RNF6: variants seen among roughly 807,000 people sequenced by gnomAD.
RNF6 encodes ring finger protein 6.
Under a neutral mutation model 50.1 loss-of-function variants are expected in RNF6, and 21 were observed. That is an observed-to-expected ratio of 0.42 (90% CI 0.30 to 0.60). The LOEUF is 0.60. RNF6 is among the 20% of genes least tolerant of loss of function. RNF6 has a pLI of 0.20. For missense variants in RNF6, 698 were observed against 838.2 expected (o/e 0.83, Z 2.07); for synonymous variants, 255 against 291.8 (o/e 0.87, Z 1.29).
intron 5 of RNF6, among the ~76,000 whole-genome samples, chr13:26,173,598 T>C (rs1182578216): frequency 6.6e-6 from 1 of 152,110 alleles, no homozygotes; most frequent in African/African-American, 2.4e-5. Context: ...AACACATTCA[T>C]ATTAGTACTT....
At chr13:26,207,224 C>G (rs535457247) in intron 5 of RNF6, among the ~76,000 whole-genome samples, 2 of 141,426 alleles carry the variant, frequency 1.4e-5, no homozygotes, top group Non-Finnish European at 3.1e-5. Flanking sequence ...GAGAGAACAG[C>G]ATGGGCAAAA....
chr13:26,146,332 C>T (rs1441283334), intron 5 of RNF6, among the ~76,000 whole-genome samples: 1 of 152,216 alleles, frequency 6.6e-6, no homozygotes, highest in Admixed American at 6.5e-5. Context: ...ATGGTAACCA[C>T]ATCTACCTTG....
downstream of RNF6, among the ~76,000 whole-genome samples, chr13:26,211,324 G>C (rs181123998): frequency 3.7e-4 from 57 of 152,230 alleles, no homozygotes; most frequent in East Asian, 0.01. Context: ...ATCATGTCTT[G>C]CAAAGGACTA....
chr13:26,219,064 A>G (rs1870196624), intron 3 of RNF6, among the ~76,000 whole-genome samples: 1 of 152,182 alleles, frequency 6.6e-6, no homozygotes, highest in Admixed American at 6.5e-5. Flanking sequence ...TTTATGGAAC[A>G]CATTGGGCTT....
At chr13:26,156,208 G>C (rs1324203465) in intron 5 of RNF6, among the ~76,000 whole-genome samples, 1 of 152,104 alleles carries the variant, frequency 6.6e-6, no homozygotes, top group Non-Finnish European at 1.5e-5. Flanking sequence ...AAATCAAGTA[G>C]TAAGAGTTTT....
chr13:26,168,667 G>T (rs555215838), intron 5 of RNF6, among the ~76,000 whole-genome samples: 1 of 152,316 alleles, frequency 6.6e-6, no homozygotes, highest in African/African-American at 2.4e-5. Context: ...AAGGGCAAAT[G>T]AGTAGATCCT....
At chr13:26,211,720 T>C (rs1869333989), downstream of RNF6, among the ~76,000 whole-genome samples, 1 of 151,592 alleles carries the variant, frequency 6.6e-6, no homozygotes, top group Admixed American at 6.6e-5. Context: ...ATAGTGCCAC[T>C]GCACTCAAGC....
In RNF6 at chr13:26,173,155, A is replaced by G. The variant is rs1035651540; in HGVS notation, n.769-40704T>C. Among the ~76,000 whole-genome samples, 3 of 152,242 alleles carry G rather than the reference A, an allele frequency of 2.0e-5. No individual in the cohort carries two copies. In the East Asian group the frequency reaches 5.8e-4, roughly 29 times the overall value. On this transcript the variant is annotated intron_variant and non_coding_transcript_variant, in intron 5 of 5. Coordinates refer to the RNF6 transcript ENST00000468480. ...CATAAGAGTATAAACGGATACAACC[A>G]TTGTAGAGAGAGCAAGTTTAGGCTG...
intron 5 of RNF6, among the ~76,000 whole-genome samples, chr13:26,139,200 A>G (rs1267212488): frequency 6.6e-6 from 1 of 152,020 alleles, no homozygotes; most frequent in African/African-American, 2.4e-5. Flanking sequence ...TCACACACCA[A>G]GCCAATATTT....
At position 26,142,901 on chromosome 13, in the gene RNF6, C is replaced by T. The variant is rs77152643; in HGVS notation, n.769-10450G>A. On this transcript the variant is annotated intron_variant and non_coding_transcript_variant, in intron 5 of 5. Coordinates refer to the RNF6 transcript ENST00000468480. ...AAAATTAAAATCACAATCAACACAGCTTATGTTACATGATAAGGGAATAAA... is the reference window on the plus strand; with the variant it reads ...AAAATTAAAATCACAATCAACACAGTTTATGTTACATGATAAGGGAATAAA... Among the ~76,000 whole-genome samples, 4 of 152,206 alleles carry T rather than the reference C, an allele frequency of 2.6e-5. No homozygotes were observed. The East Asian group carries it at 5.8e-4, about 22-fold the overall frequency.
intron 5 of RNF6, among the ~76,000 whole-genome samples, chr13:26,170,642 C>G (rs1872658264): frequency 6.6e-6 from 1 of 152,136 alleles, no homozygotes; most frequent in African/African-American, 2.4e-5. Flanking sequence ...TTGCTGGTAA[C>G]CAAATGTTCC....
intron 2 of RNF6, among the ~76,000 whole-genome samples, chr13:26,220,951 A>G (rs1221391178): frequency 6.6e-6 from 1 of 152,190 alleles, no homozygotes; most frequent in Non-Finnish European, 1.5e-5. Flanking sequence ...AAATTCAAGG[A>G]TTTTTTTCAC....
chr13:26,180,086 G>A (rs1365857274), intron 5 of RNF6, among the ~76,000 whole-genome samples: 1 of 152,132 alleles, frequency 6.6e-6, no homozygotes, highest in Admixed American at 6.5e-5. Flanking sequence ...ATGACACCCT[G>A]TTCTACCCCC....
At chr13:26,186,779 T>C (rs1566426246) in intron 5 of RNF6, among the ~76,000 whole-genome samples, 3 of 150,852 alleles carry the variant, frequency 2.0e-5, no homozygotes, top group Non-Finnish European at 4.4e-5. Flanking sequence ...TTCTTCTTTT[T>C]TTTTTTTTCT....
intron 4 of RNF6, among the ~76,000 whole-genome samples, chr13:26,216,997 A>G (rs4770960): frequency 0.41 from 62,470 of 152,060 alleles, 14,440 homozygotes; most frequent in Middle Eastern, 0.52. Context: ...ATTATATGAC[A>G]TCATTCTGAT....
downstream of RNF6, among the ~76,000 whole-genome samples, chr13:26,211,907 C>A (rs570193473): frequency 1.3e-5 from 2 of 152,334 alleles, no homozygotes; most frequent in Admixed American, 1.3e-4. Context: ...TGTGCTACCT[C>A]TCCCTCCTCC....
intron 5 of RNF6, among the ~76,000 whole-genome samples, chr13:26,161,832 A>G (rs376056136): frequency 9.2e-5 from 14 of 152,208 alleles, no homozygotes; most frequent in African/African-American, 3.4e-4. Context: ...CCTAGCAGAA[A>G]ATCCCATTGT....
intron 5 of RNF6, among the ~76,000 whole-genome samples, chr13:26,176,794 T>G (rs1215986784): frequency 6.6e-6 from 1 of 152,026 alleles, no homozygotes; most frequent in Non-Finnish European, 1.5e-5. Context: ...ATTAGCCAAG[T>G]GTGATGGCAC....
chr13:26,168,657 A>G (rs1247738546), intron 5 of RNF6, among the ~76,000 whole-genome samples: 2 of 152,194 alleles, frequency 1.3e-5, no homozygotes, highest in African/African-American at 4.8e-5. Context: ...CTAAATGCCC[A>G]AGGGCAAATG....
Sources: allele counts gnomAD v4.1 joint callset (sites outside exome capture counted in the v4.1 genomes callset), GRCh38; gene constraint gnomAD v4.1.1; transcripts MANE v1.5; gene names NCBI Gene and HGNC (gene_info 2026-07-23, HGNC 2026-07-21).